Variants in CDKAL1 observed in about 807,000 individuals in gnomAD.
The protein encoded by CDKAL1 is CDKAL1 threonylcarbamoyladenosine tRNA methylthiotransferase, also known as threonylcarbamoyladenosine tRNA methylthiotransferase.
CDKAL1 carries 32 observed loss-of-function variants against 68.2 expected under a neutral mutation model. The observed-to-expected ratio is 0.47, with a 90% CI of 0.35 to 0.63. The LOEUF is 0.63. Among genes scored for constraint, CDKAL1 ranks in the 30% least tolerant of loss-of-function variants. The pLI is 0.00. For missense variants in CDKAL1, 606 were observed against 696.7 expected (o/e 0.87, Z 1.47); for synonymous variants, 234 against 244.3 (o/e 0.96, Z 0.39).
intron 7 of CDKAL1, among the ~76,000 whole-genome samples, chr6:20,778,193 G>A (rs1775257658): frequency 6.6e-6 from 1 of 152,130 alleles, no homozygotes; most frequent in Admixed American, 6.5e-5. Context: ...AGAAAACACA[G>A]GAGAAATCTC....
intron 10 of CDKAL1, among the ~76,000 whole-genome samples, chr6:20,985,600 C>G (rs1396404849): frequency 3.3e-5 from 5 of 152,256 alleles, no homozygotes; most frequent in South Asian, 4.1e-4. Flanking sequence ...CCACCCTGTT[C>G]CATGTTCTTA....
At chr6:20,599,318 A>T (rs559621578) in intron 4 of CDKAL1, 27 of 449,980 alleles carry the variant, frequency 6.0e-5, no homozygotes, top group Non-Finnish European at 1.1e-4. Flanking sequence ...ATAAAGTTGC[A>T]TTATTGTTAT....
intron 4 of CDKAL1, among the ~76,000 whole-genome samples, chr6:20,641,936 T>G (rs1214587970): frequency 6.6e-6 from 1 of 152,226 alleles, no homozygotes; most frequent in Non-Finnish European, 1.5e-5. Flanking sequence ...TTTTCTACTT[T>G]GCCTTCCAAA....
intron 9 of CDKAL1, among the ~76,000 whole-genome samples, chr6:20,901,048 A>G (rs1425127333): frequency 6.6e-6 from 1 of 151,996 alleles, no homozygotes; most frequent in African/African-American, 2.4e-5. Flanking sequence ...TGAACATTGG[A>G]GTTTTCTTTG....
chr6:20,951,881 T>C (rs1426545711), intron 9 of CDKAL1, among the ~76,000 whole-genome samples: 1 of 152,166 alleles, frequency 6.6e-6, no homozygotes, highest in Non-Finnish European at 1.5e-5. Flanking sequence ...TATTTATTTT[T>C]ACAGGCATGG....
At chr6:20,723,229 C>G (rs762961462) in intron 5 of CDKAL1, among the ~76,000 whole-genome samples, 2 of 152,142 alleles carry the variant, frequency 1.3e-5, no homozygotes, top group Non-Finnish European at 2.9e-5. Flanking sequence ...GTCGTGGGCA[C>G]CCTCACCTGG....
chr6:21,060,078 C>T (rs1026048025), intron 11 of CDKAL1, among the ~76,000 whole-genome samples: 15 of 145,526 alleles, frequency 1.0e-4, no homozygotes, highest in African/African-American at 3.9e-4. Context: ...GTTTCTTTCT[C>T]ATCTATCTTT....
intron 7 of CDKAL1, among the ~76,000 whole-genome samples, chr6:20,764,881 T>TACTAA (rs1774625215): frequency 6.6e-6 from 1 of 152,212 alleles, no homozygotes; most frequent in South Asian, 2.1e-4. Context: ...TAATCTCTGA[T>TACTAA]ACAGTTAGTA....
chr6:20,931,972 A>T (rs1763482652), intron 9 of CDKAL1, among the ~76,000 whole-genome samples: 1 of 152,246 alleles, frequency 6.6e-6, no homozygotes, highest in African/African-American at 2.4e-5. Context: ...TCTCTGCGTT[A>T]GTGCCCACAC....
rs186696472 is a variant in CDKAL1, at chr6:20,730,357, A to T, written c.372-9162A>T. On this transcript the variant is annotated intron_variant, in intron 5 of 15. Coordinates refer to ENST00000274695, the MANE Select transcript of CDKAL1 (RefSeq NM_017774.3). ...AAGAAGCCAGACCCGAAAAGAAAGA[A>T]AGATAGATAGATGGAGCCCGACCCG... is the stretch of plus-strand genomic sequence containing the variant. Among the ~76,000 whole-genome samples, 29 of 151,550 alleles carry T rather than the reference A, an allele frequency of 1.9e-4. No individual in the cohort carries two copies. In the East Asian group the frequency reaches 5.4e-3, roughly 28 times the overall value.
intron 15 of CDKAL1, among the ~76,000 whole-genome samples, chr6:21,202,137 C>CA (rs1471152807): frequency 6.6e-6 from 1 of 152,160 alleles, no homozygotes; most frequent in East Asian, 1.9e-4. Context: ...AGTACCGCTT[C>CA]ACTCTGGCAA....
At chr6:21,157,926 A>G (rs1717099853) in intron 13 of CDKAL1, among the ~76,000 whole-genome samples, 1 of 152,232 alleles carries the variant, frequency 6.6e-6, no homozygotes, top group Non-Finnish European at 1.5e-5. Context: ...TCAGAGAGGC[A>G]TTTTATTTGT....
At chr6:20,628,340 C>A (rs1767522667) in intron 4 of CDKAL1, among the ~76,000 whole-genome samples, 1 of 151,950 alleles carries the variant, frequency 6.6e-6, no homozygotes. Flanking sequence ...ATTAAAAATA[C>A]TATGAAGGGA....
intron 9 of CDKAL1, among the ~76,000 whole-genome samples, chr6:20,861,324 T>C (rs1197429488): frequency 1.3e-5 from 2 of 152,238 alleles, no homozygotes; most frequent in African/African-American, 4.8e-5. Flanking sequence ...AGGTCCCGTC[T>C]GATTAACTGA....
intron 13 of CDKAL1, among the ~76,000 whole-genome samples, chr6:21,166,489 T>G (rs966103050): frequency 6.6e-6 from 1 of 151,950 alleles, no homozygotes; most frequent in Non-Finnish European, 1.5e-5. Context: ...CCTGCAGGAG[T>G]GCCAGTGGAA....
At chr6:20,606,223 A>T (rs1177882804) in intron 4 of CDKAL1, among the ~76,000 whole-genome samples, 1 of 152,212 alleles carries the variant, frequency 6.6e-6, no homozygotes. Flanking sequence ...ATATTTATAT[A>T]ACATTGAATT....
rs114185880 is a variant in CDKAL1, at chr6:21,191,530, G to T, written c.1300-6491G>T. 7.5e-3 allele frequency among the ~76,000 whole-genome samples: 1,141 copies of T among 152,298 alleles called. 12 individuals are homozygous for T. Among genetic ancestry groups the T allele is most frequent in the African/African-American group, 0.025 (1,048 of 41,558 alleles). Reference sequence around the variant, plus strand: ...ACTGCAGAATTAGATCCGTGATGTTGTAAGTTTTCCACAGCTAGCAATTAA... The same window carrying T: ...ACTGCAGAATTAGATCCGTGATGTTTTAAGTTTTCCACAGCTAGCAATTAA... On this transcript the variant is annotated intron_variant, in intron 13 of 15. Coordinates refer to ENST00000274695, the MANE Select transcript of CDKAL1 (RefSeq NM_017774.3).
chr6:20,876,860 A>T (rs893978114), intron 9 of CDKAL1, among the ~76,000 whole-genome samples: 5 of 152,094 alleles, frequency 3.3e-5, no homozygotes, highest in Admixed American at 2.0e-4. Flanking sequence ...ACACACACGT[A>T]CACACAGAGC....
chr6:21,042,911 G>T (rs1015327201), intron 11 of CDKAL1, among the ~76,000 whole-genome samples: 1 of 152,082 alleles, frequency 6.6e-6, no homozygotes, highest in African/African-American at 2.4e-5. Context: ...GAACGCCTCT[G>T]CTCTGGCTTT....
Sources: allele counts gnomAD v4.1 joint callset (sites outside exome capture counted in the v4.1 genomes callset), GRCh38; gene constraint gnomAD v4.1.1; transcripts MANE v1.5; gene names NCBI Gene and HGNC (gene_info 2026-07-23, HGNC 2026-07-21).